Variants in ANKIB1 observed in about 807,000 individuals in gnomAD.
ANKIB1 encodes the protein ankyrin repeat and IBR domain containing 1.
Under a neutral mutation model 122.1 loss-of-function variants are expected in ANKIB1, and 43 were observed. The ratio of observed to expected loss-of-function variants is 0.35; its 90% CI spans 0.28 to 0.45. The LOEUF (loss-of-function observed/expected upper bound fraction) is 0.45. Ranked by LOEUF, ANKIB1 falls within the 20% of genes least tolerant of loss-of-function variation. The pLI is 1.00. For missense variants in ANKIB1, 992 were observed against 1,329.5 expected, an observed-to-expected ratio of 0.75 and a Z score of 3.95; for synonymous variants, 390 against 442.0, an observed-to-expected ratio of 0.88 and a Z score of 1.48.
At chr7:92,353,723 T>G (rs1803715454) in intron 9 of ANKIB1, among the ~76,000 whole-genome samples, 2 of 152,330 alleles carry the variant, frequency 1.3e-5, no homozygotes, top group South Asian at 4.1e-4. Flanking sequence ...AGCAAACTAT[T>G]GTCTATACTT....
chr7:92,400,234 T>C lies in ANKIB1; in HGVS notation c.*1285T>C, dbSNP rs1023943440. ...TGTTTGTTCTACTGCGCAATACTCA[T>C]TTGCTGTGTGATTACTGTTTAGTGT... On this transcript the variant is annotated 3_prime_UTR_variant, in exon 20 of 20. Coordinates refer to ENST00000265742, the MANE Select transcript of ANKIB1 (RefSeq NM_019004.2). 1 of 152,214 alleles carries C rather than the reference T, an allele frequency of 6.6e-6. No homozygotes were observed. The highest frequency in any genetic ancestry group is 2.4e-5 in the African/African-American group (1 of 41,448). The allele number at this position is 152,214 out of a possible 1,614,324, so 9.4% of individuals were successfully genotyped here. A position where few individuals can be genotyped will look rare whatever the true frequency, so the allele number is the denominator to read the frequency against.
chr7:92,362,386 A>G (rs1803971397), intron 10 of ANKIB1, 113 bp downstream of exon 10: 1 of 918,576 alleles, frequency 1.1e-6, no homozygotes, highest in Non-Finnish European at 1.7e-6. Context: ...TGTTAATGCA[A>G]GTGCTCTCCT....
At chr7:92,315,595 C>T (rs1159859780) in intron 3 of ANKIB1, among the ~76,000 whole-genome samples, 1 of 152,016 alleles carries the variant, frequency 6.6e-6, no homozygotes, top group Non-Finnish European at 1.5e-5. Context: ...ATAAAAGAAC[C>T]AAGATGATAC....
chr7:92,276,430 G>A (rs936250650), intron 1 of ANKIB1, among the ~76,000 whole-genome samples: 11 of 152,170 alleles, frequency 7.2e-5, no homozygotes, highest in African/African-American at 1.4e-4. Flanking sequence ...TTAAAAGGTC[G>A]AAAGTTTATT....
intron 1 of ANKIB1, among the ~76,000 whole-genome samples, chr7:92,275,610 C>T (rs1038746651): frequency 1.3e-5 from 2 of 152,036 alleles, no homozygotes; most frequent in South Asian, 4.1e-4. Flanking sequence ...GGTGTATTAA[C>T]CTGGAAAAAC....
chr7:92,250,299 A>G (rs749000694), intron 1 of ANKIB1, among the ~76,000 whole-genome samples: 2 of 152,180 alleles, frequency 1.3e-5, no homozygotes, highest in Non-Finnish European at 2.9e-5. Context: ...AGGCTGAGGC[A>G]GGAGAATCGC....
chr7:92,391,881 T>C (rs1025252802), intron 16 of ANKIB1, among the ~76,000 whole-genome samples: 1 of 152,130 alleles, frequency 6.6e-6, no homozygotes, highest in Non-Finnish European at 1.5e-5. Context: ...ACTTTCCTAT[T>C]TATAATAACT....
At chr7:92,261,545 CT>C (rs1801565403) in intron 1 of ANKIB1, among the ~76,000 whole-genome samples, 1 of 152,006 alleles carries the variant, frequency 6.6e-6, no homozygotes, top group Non-Finnish European at 1.5e-5. Context: ...ATGCATTTTG[CT>C]TTTAGATGAC....
chr7:92,263,646 T>C (rs1201557012), intron 1 of ANKIB1, among the ~76,000 whole-genome samples: 2 of 152,202 alleles, frequency 1.3e-5, no homozygotes, highest in African/African-American at 4.8e-5. Flanking sequence ...TTCATACTTT[T>C]GTTTAGAAGT....
At chr7:92,327,023 A>T (rs368992964) in intron 4 of ANKIB1, among the ~76,000 whole-genome samples, 36 of 152,332 alleles carry the variant, frequency 2.4e-4, no homozygotes, top group African/African-American at 8.7e-4. Context: ...CTAAATGAAC[A>T]TACATATTCA....
chr7:92,387,165 T>C (rs1275056853), intron 12 of ANKIB1, among the ~76,000 whole-genome samples: 2 of 152,150 alleles, frequency 1.3e-5, no homozygotes, highest in Admixed American at 6.6e-5. Flanking sequence ...CCCCTTCCTC[T>C]TCTTTTAAGA....
At chr7:92,348,212 A>G (rs558817223) in intron 7 of ANKIB1, among the ~76,000 whole-genome samples, 2 of 152,254 alleles carry the variant, frequency 1.3e-5, no homozygotes, top group South Asian at 2.1e-4. Context: ...TATATTTAAA[A>G]TATGTAAAAT....
At position 92,344,997 on chromosome 7, in the gene ANKIB1, G is replaced by A. The variant is rs760040741; in HGVS notation, c.1016G>A (p.Ser339Asn). Residue 339 changes from serine to asparagine, a missense_variant, in exon 7 of 20, where the codon AGT becomes AAT. Coordinates refer to ENST00000265742, the MANE Select transcript of ANKIB1 (RefSeq NM_019004.2). ...CTCCAGTGTGACATTTGTATGTGCA[G>A]TATCTCTGTATTTGAAGACCCTGTG... is the stretch of plus-strand genomic sequence containing the variant. ...DTSLCDICMC[S>N]ISVFEDPVDM... 1.9e-6 allele frequency: 3 copies of A among 1,612,512 alleles called. No homozygotes were observed. In the African/African-American group the frequency reaches 4.0e-5, roughly 22 times the overall value.
At chr7:92,398,136 G>A in intron 19 of ANKIB1, 76 bp from the exon 20 acceptor site, 1 of 1,421,398 alleles carries the variant, frequency 7.0e-7, no homozygotes, top group African/African-American at 1.4e-5. Flanking sequence ...GGTAAAGGAA[G>A]AATGGTAAAC....
At chr7:92,275,640 C>A (rs1801886399) in intron 1 of ANKIB1, among the ~76,000 whole-genome samples, 1 of 152,100 alleles carries the variant, frequency 6.6e-6, no homozygotes, top group African/African-American at 2.4e-5. Context: ...AGGACAGGGA[C>A]ATAGAACTGG....
chr7:92,307,999 TAATTTA>T (rs1802603258), intron 3 of ANKIB1, among the ~76,000 whole-genome samples: 1 of 151,532 alleles, frequency 6.6e-6, no homozygotes, highest in Admixed American at 6.6e-5. Flanking sequence ...TATTTTTGTA[TAATTTA>T]ATTTCCAAAA....
In ANKIB1 at chr7:92,382,017, C is replaced by G. The variant is rs981554874; in HGVS notation, c.1618-4492C>G. 3.3e-5 allele frequency among the ~76,000 whole-genome samples: 5 copies of G among 151,340 alleles called. No individual in the cohort carries two copies. In the South Asian group the frequency reaches 1.0e-3, roughly 32 times the overall value. ...GACCCATCTCATGTGCAGAGACATACATAGGCTCAAAATAAAGGGATGGAG... is the reference window on the plus strand; with the variant it reads ...GACCCATCTCATGTGCAGAGACATAGATAGGCTCAAAATAAAGGGATGGAG... On this transcript the variant is annotated intron_variant, in intron 11 of 19. Coordinates refer to ENST00000265742, the MANE Select transcript of ANKIB1 (RefSeq NM_019004.2).
At chr7:92,396,048 T>C (rs1469011047) in intron 17 of ANKIB1, 1 of 280,772 alleles carries the variant, frequency 3.6e-6, no homozygotes, top group Non-Finnish European at 6.7e-6. Context: ...ATGAGTAATA[T>C]GGTTGTAGTA....
intron 1 of ANKIB1, among the ~76,000 whole-genome samples, chr7:92,263,733 A>AATAC (rs1023312534): frequency 6.6e-6 from 1 of 152,298 alleles, no homozygotes; most frequent in South Asian, 2.1e-4. Flanking sequence ...TAGTCATCAA[A>AATAC]ATACATACAT....
Sources: gnomAD v4.1 joint callset for allele counts (sites outside exome capture counted in the v4.1 genomes callset) on GRCh38, gnomAD v4.1.1 for gene constraint, MANE v1.5 for transcripts, NCBI Gene and HGNC (gene_info 2026-07-23, HGNC 2026-07-21) for gene names.